The following PRORP variants were observed in gnomAD, a reference collection of about 807,000 sequenced individuals.
The protein encoded by PRORP is protein only RNase P catalytic subunit, also known as mitochondrial ribonuclease P catalytic subunit.
In PRORP, 51 loss-of-function variants were observed where a neutral mutation model predicts 59.4. The ratio of observed to expected loss-of-function variants is 0.86; its 90% CI spans 0.69 to 1.08. PRORP has a LOEUF of 1.08. PRORP is among the 50% of genes least tolerant of loss of function. The pLI is 0.00. For synonymous variants in PRORP, 231 were observed against 245.6 expected, an observed-to-expected ratio of 0.94 and a Z score of 0.55; for missense variants, 646 against 690.3, an observed-to-expected ratio of 0.94 and a Z score of 0.72.
chr14:35,239,309 C>T (rs552387655), intron 5 of PRORP, among the ~76,000 whole-genome samples: 26 of 151,230 alleles, frequency 1.7e-4, no homozygotes, highest in African/African-American at 6.3e-4. Flanking sequence ...GATTGCAACA[C>T]CGCACTCCAG....
chr14:35,277,235 C>T lies in PRORP; in HGVS notation c.*3669C>T, dbSNP rs1256599512. The T allele has an allele frequency of 1.3e-5, 2 of 152,136 alleles. No homozygotes were observed. The highest frequency in any genetic ancestry group is 2.9e-5 in the Non-Finnish European group (2 of 68,074). The allele number at this position is 152,136 out of a possible 1,614,324, so 9.4% of individuals were successfully genotyped here. ...GAGACGGGTTTTCACCATGTTGCCC[C>T]GGTTGCTCTCAAACTCCTGACCTCA... is the stretch of plus-strand genomic sequence containing the variant. On this transcript the variant is annotated 3_prime_UTR_variant, in exon 8 of 8. Transcript: ENST00000534898.
chr14:35,273,624 G>A lies in PRORP; in HGVS notation c.*58G>A. ...GGTACCCTCTAGGTTGGCATCAGAG[G>A]CTCTTGAGCTGGTGTTTGTTTAGGG... is the stretch of plus-strand genomic sequence containing the variant. On this transcript the variant is annotated 3_prime_UTR_variant, in exon 8 of 8. Transcript: ENST00000534898. The A allele has an allele frequency of 3.3e-6, 5 of 1,523,830 alleles. No individual in the cohort carries two copies. The South Asian group carries it at 6.4e-5, about 19-fold the overall frequency. The allele number at this position is 1,523,830 out of a possible 1,614,324, so 94.4% of individuals were successfully genotyped here.
chr14:35,123,899 G>A lies in PRORP; in HGVS notation c.654G>A (p.Arg218=), dbSNP rs771891209. 3.1e-6 allele frequency: 5 copies of A among 1,613,978 alleles called. No individual in the cohort carries two copies. The highest frequency in any genetic ancestry group is 3.4e-6 in the Non-Finnish European group (4 of 1,180,004). Residue 218 remains arginine (R), a synonymous_variant, in exon 2 of 8, where the codon CGG becomes CGA. Transcript: ENST00000534898. ...LEPRGYSLLI[R]GLIHSDRWRE... ...CTAGAGGTTACAGTCTTCTCATCCG[G>A]GGATTGATCCATTCAGACAGATGGA...
chr14:35,202,219 G>A (rs1035315911), intron 5 of PRORP, among the ~76,000 whole-genome samples: 1 of 151,972 alleles, frequency 6.6e-6, no homozygotes, highest in Non-Finnish European at 1.5e-5. Context: ...AGCCTCCCAA[G>A]TGCTGAGATT....
At chr14:35,191,228 T>G (rs1355069714) in intron 5 of PRORP, among the ~76,000 whole-genome samples, 1 of 152,174 alleles carries the variant, frequency 6.6e-6, no homozygotes. Context: ...GAAGAAGTCT[T>G]ACAAGATCTG....
intron 5 of PRORP, among the ~76,000 whole-genome samples, chr14:35,182,743 A>G (rs1003731366): frequency 6.6e-6 from 1 of 152,228 alleles, no homozygotes; most frequent in Non-Finnish European, 1.5e-5. Flanking sequence ...CCAGATTGGT[A>G]AATCTTTAAA....
intron 5 of PRORP, among the ~76,000 whole-genome samples, chr14:35,253,331 CAA>C (rs1344336297): frequency 2.8e-4 from 19 of 68,142 alleles, no homozygotes; most frequent in African/African-American, 4.0e-4. Context: ...GAGACTGTTT[CAA>C]AAAAAAAAAA....
At chr14:35,149,886 A>G (rs552560942) in intron 4 of PRORP, among the ~76,000 whole-genome samples, 6 of 152,036 alleles carry the variant, frequency 3.9e-5, no homozygotes, top group South Asian at 2.1e-4. Flanking sequence ...GTCTCACTCT[A>G]TCACCCAGGC....
At chr14:35,202,108 T>TA (rs1167822924) in intron 5 of PRORP, among the ~76,000 whole-genome samples, 2 of 151,706 alleles carry the variant, frequency 1.3e-5, no homozygotes, top group African/African-American at 4.8e-5. Context: ...TAGCTGGGAC[T>TA]ACAGGCGCCC....
In PRORP at chr14:35,211,843, T is replaced by C. The variant is rs1291501886; in HGVS notation, c.1275+31066T>C. Among the ~76,000 whole-genome samples, 11 of 152,330 alleles carry C rather than the reference T, an allele frequency of 7.2e-5. No individual in the cohort carries two copies. The South Asian group carries it at 1.0e-3, about 14-fold the overall frequency. Reference sequence around the variant, plus strand: ...AAAGATAACAATGAAATTTGCTGCATTGATTGACTCTTCCTTTCACAAAAG... The same window carrying C: ...AAAGATAACAATGAAATTTGCTGCACTGATTGACTCTTCCTTTCACAAAAG... On this transcript the variant is annotated intron_variant, in intron 5 of 7. Coordinates refer to ENST00000534898, the MANE Select transcript of PRORP (RefSeq NM_014672.4).
At chr14:35,216,062 C>T (rs1457741800) in intron 5 of PRORP, among the ~76,000 whole-genome samples, 3 of 97,382 alleles carry the variant, frequency 3.1e-5, no homozygotes, top group African/African-American at 1.0e-4. Context: ...CCACCGCACC[C>T]AACCGTAAGA....
At chr14:35,121,921 C>T (rs188334260), upstream of PRORP, 76 of 1,614,128 alleles carry the variant, frequency 4.7e-5, no homozygotes, top group East Asian at 1.2e-3. Context: ...AGGTGTTGGG[C>T]GTCGCTAGGC....
rs2139060406 is a variant in PRORP at position 35,185,846 on chromosome 14, G to C, written c.1275+5069G>C. The stretch of plus-strand genomic sequence containing the variant: ...AACAGCCTTCAATTCAGATATGAAA[G>C]TGTATACTTACATGTTAATTGTGAT... On this transcript the variant is annotated intron_variant, in intron 5 of 7. Coordinates refer to ENST00000534898, the MANE Select transcript of PRORP (RefSeq NM_014672.4). Among the ~76,000 whole-genome samples, 3 of 152,314 alleles carry C rather than the reference G, an allele frequency of 2.0e-5. 1 individual carries two copies. In the Middle Eastern group the frequency reaches 0.01, roughly 518 times the overall value.
intron 5 of PRORP, among the ~76,000 whole-genome samples, chr14:35,201,631 TTTTATTTATTTA>T (rs762557804): frequency 6.6e-6 from 1 of 151,468 alleles, no homozygotes; most frequent in Non-Finnish European, 1.5e-5. Flanking sequence ...GTATACAAAA[TTTTATTTATTTA>T]TTTATTTATT....
At chr14:35,240,489 G>T (rs370239777) in intron 5 of PRORP, among the ~76,000 whole-genome samples, 1 of 100,470 alleles carries the variant, frequency 1.0e-5, no homozygotes, top group Admixed American at 9.1e-5. Flanking sequence ...TCTTTTGCTG[G>T]TGTCACTTTT....
At chr14:35,222,794 C>G (rs1191543722) in intron 5 of PRORP, 2 of 152,320 alleles carry the variant, frequency 1.3e-5, no homozygotes, top group Non-Finnish European at 2.9e-5. Context: ...ATTACCTTTC[C>G]TGATAGTTTA....
chr14:35,228,229 AT>A (rs979378493), intron 5 of PRORP, among the ~76,000 whole-genome samples: 3 of 152,244 alleles, frequency 2.0e-5, no homozygotes, highest in African/African-American at 7.2e-5. Context: ...GCCATTGAGC[AT>A]TATTGCCTTC....
Position 35,276,333 on chromosome 14 carries a change from A to G in PRORP, c.*2767A>G. 1 of 152,652 alleles carries G rather than the reference A, an allele frequency of 6.6e-6. No homozygotes were observed. The highest frequency in any genetic ancestry group is 1.5e-5 in the Non-Finnish European group (1 of 68,358). 9.5% of individuals were successfully genotyped at this position (152,652 alleles called of 1,614,324 possible). A position where few individuals can be genotyped will look rare whatever the true frequency, so the allele number is the denominator to read the frequency against. The stretch of plus-strand genomic sequence containing the variant: ...AAGGGAGGGAGGTAAGAATGAGAAG[A>G]AGGAACAGGGGTGTACCTCTTTTAA... On this transcript the variant is annotated 3_prime_UTR_variant, in exon 8 of 8. Transcript: ENST00000534898.
intron 5 of PRORP, among the ~76,000 whole-genome samples, chr14:35,232,358 A>C (rs530042531): frequency 2.2e-4 from 34 of 151,708 alleles, no homozygotes; most frequent in African/African-American, 8.2e-4. Flanking sequence ...GGCATGCGCC[A>C]CCATGCCTAG....
Sources: gnomAD v4.1 joint callset for allele counts (sites outside exome capture counted in the v4.1 genomes callset) on GRCh38, gnomAD v4.1.1 for gene constraint, MANE v1.5 for transcripts, NCBI Gene and HGNC (gene_info 2026-07-23, HGNC 2026-07-21) for gene names.